The following CTTNBP2 variants were observed in gnomAD, a reference collection of about 807,000 sequenced individuals.
CTTNBP2 encodes cortactin-binding protein 2.
A neutral mutation model predicts 156.9 loss-of-function variants in CTTNBP2; 108 were observed. The observed-to-expected ratio is 0.69, with a 90% CI of 0.59 to 0.81. The LOEUF is 0.81. Ranked by LOEUF, CTTNBP2 falls within the 30% of genes least tolerant of loss-of-function variation. The pLI is 0.00. For synonymous variants in CTTNBP2, 767 were observed against 751.8 expected, an observed-to-expected ratio of 1.02 and a Z score of -0.33; for missense variants, 1,924 against 2,035.4, an observed-to-expected ratio of 0.95 and a Z score of 1.05.
intron 17 of CTTNBP2, among the ~76,000 whole-genome samples, chr7:117,725,635 A>T (rs1176515798): frequency 6.6e-6 from 1 of 152,214 alleles, no homozygotes; most frequent in African/African-American, 2.4e-5. Context: ...TCTTTGTTAC[A>T]TCTCCTTAAT....
chr7:117,780,551 G>C lies in CTTNBP2; in HGVS notation c.2413C>G (p.His805Asp). Reference protein sequence around the residue: ...LLISYDANINHAADGGQTPLY... With the variant: ...LLISYDANINDAADGGQTPLY... ...GGTGTCTGTCCTCCATCAGCAGCAT[G>C]ATTAATGTTAGCATCATATGAAATT... Residue 805 changes from histidine (H) to aspartate (D), a missense_variant, in exon 7 of 23, where the codon CAT becomes GAT. By Grantham distance (81) the His-to-Asp change is moderately conservative. Transcript: ENST00000160373. 6.3e-7 allele frequency: 1 copy of C among 1,592,734 alleles called. No homozygotes were observed. The highest frequency in any genetic ancestry group is 1.1e-5 in the South Asian group (1 of 88,126).
At chr7:117,832,406 G>T (rs1346860190) in intron 2 of CTTNBP2, among the ~76,000 whole-genome samples, 2 of 152,068 alleles carry the variant, frequency 1.3e-5, no homozygotes, top group Non-Finnish European at 2.9e-5. Flanking sequence ...GCCCTAAAAC[G>T]TAGGTCTAAG....
intron 2 of CTTNBP2, among the ~76,000 whole-genome samples, chr7:117,818,901 C>T (rs142284299): frequency 1.2e-4 from 18 of 152,190 alleles, no homozygotes; most frequent in African/African-American, 3.9e-4. Context: ...ACAGATACAA[C>T]GAGCTGCATT....
At chr7:117,824,656 G>C (rs544006182) in intron 2 of CTTNBP2, among the ~76,000 whole-genome samples, 1 of 152,222 alleles carries the variant, frequency 6.6e-6, no homozygotes, top group African/African-American at 2.4e-5. Flanking sequence ...TGCATGGCTA[G>C]AAATTTGGAG....
chr7:117,819,375 A>T (rs140615080), intron 2 of CTTNBP2, among the ~76,000 whole-genome samples: 71,510 of 131,532 alleles, frequency 0.54, 18,249 homozygotes, highest in East Asian at 0.66. Flanking sequence ...TCTCACACAC[A>T]CACACACACA....
intron 14 of CTTNBP2, among the ~76,000 whole-genome samples, chr7:117,742,284 T>C (rs1442815497): frequency 2.0e-5 from 3 of 152,234 alleles, no homozygotes; most frequent in East Asian, 3.8e-4. Context: ...ACATGTTTAC[T>C]CCTTAATTCT....
At chr7:117,867,472 TC>T (rs1410636034) in intron 1 of CTTNBP2, among the ~76,000 whole-genome samples, 1 of 152,138 alleles carries the variant, frequency 6.6e-6, no homozygotes, top group Non-Finnish European at 1.5e-5. Context: ...ATTTTCTCAC[TC>T]CTACTAGATG....
At position 117,734,987 on chromosome 7, in the gene CTTNBP2, C is replaced by T. The variant is rs751065536; in HGVS notation, c.3802G>A (p.Val1268Met). The T allele has an allele frequency of 4.3e-6, 7 of 1,614,146 alleles. No individual in the cohort carries two copies. Among genetic ancestry groups the T allele is most frequent in the Admixed American group, 1.7e-5 (1 of 60,024 alleles). ...DLLVQQHFRW[V>M]QLRWDGEPMQ... Reference sequence around the variant, plus strand: ...GGCTCGCCATCCCACCGCAGCTGCACCCAGCGGAAATGCTGCTGCACCAGC... The same window carrying T: ...GGCTCGCCATCCCACCGCAGCTGCATCCAGCGGAAATGCTGCTGCACCAGC... Residue 1268 changes from valine to methionine, a missense_variant, in exon 16 of 23, where the codon GTG becomes ATG. Transcript: ENST00000160373.
At chr7:117,815,490 A>G (rs1374190366) in intron 2 of CTTNBP2, among the ~76,000 whole-genome samples, 1 of 152,212 alleles carries the variant, frequency 6.6e-6, no homozygotes, top group Non-Finnish European at 1.5e-5. Context: ...CCCCCAGTGG[A>G]TGAGTTTTCC....
intron 3 of CTTNBP2, among the ~76,000 whole-genome samples, chr7:117,800,811 T>C (rs532935194): frequency 3.3e-5 from 5 of 152,252 alleles, no homozygotes; most frequent in Non-Finnish European, 7.4e-5. Flanking sequence ...TGTGTACATA[T>C]GAATATGATA....
chr7:117,823,506 G>A (rs1023018335), intron 2 of CTTNBP2, among the ~76,000 whole-genome samples: 2 of 151,990 alleles, frequency 1.3e-5, no homozygotes, highest in African/African-American at 2.4e-5. Flanking sequence ...AATTTTCTTT[G>A]TATTTATTTT....
At chr7:117,858,972 A>C (rs1803518397) in intron 2 of CTTNBP2, among the ~76,000 whole-genome samples, 1 of 152,132 alleles carries the variant, frequency 6.6e-6, no homozygotes, top group African/African-American at 2.4e-5. Flanking sequence ...ATTCATGTCA[A>C]TGCCATGAAT....
At chr7:117,838,438 G>C (rs1312831832) in intron 2 of CTTNBP2, among the ~76,000 whole-genome samples, 4 of 152,120 alleles carry the variant, frequency 2.6e-5, no homozygotes, top group East Asian at 1.9e-4. Context: ...ACCTTGTTTG[G>C]GGGGATAACT....
intron 9 of CTTNBP2, among the ~76,000 whole-genome samples, chr7:117,762,693 C>T (rs1584960315): frequency 6.6e-6 from 1 of 152,322 alleles, no homozygotes; most frequent in East Asian, 1.9e-4. Flanking sequence ...TGCATCAGAT[C>T]CCATCTCTCC....
intron 20 of CTTNBP2, 122 bp downstream of exon 20, chr7:117,720,945 T>A: frequency 1.3e-6 from 1 of 741,368 alleles, no homozygotes; most frequent in Admixed American, 2.3e-5. Context: ...CATATATAAC[T>A]TTTTTAAAAC....
chr7:117,873,290 C>A (rs1334484807), intron 1 of CTTNBP2, 45 bp downstream of exon 1: 2 of 1,320,962 alleles, frequency 1.5e-6, no homozygotes, highest in East Asian at 6.3e-5. Flanking sequence ...CCGCCCCCGG[C>A]CCGCGTCTAC....
chr7:117,777,744 C>A lies in CTTNBP2; in HGVS notation c.2545G>T (p.Ala849Ser). 1 of 1,609,206 alleles carries A rather than the reference C, an allele frequency of 6.2e-7. No individual in the cohort carries two copies. The highest frequency in any genetic ancestry group is 1.1e-5 in the South Asian group (1 of 90,862). ...TCCACATTACCAGTGTCCACAGCTG[C>A]GTGAACTGGTGTCCAGCCATCCTGA... is the stretch of plus-strand genomic sequence containing the variant. ...KTTDGWTPVH[A>S]AVDTGNVDSL... Residue 849 changes from alanine to serine, a missense_variant, in exon 8 of 23, where the codon GCA becomes TCA. Ala to Ser is a moderately conservative substitution (Grantham distance 99, BLOSUM62 1). Coordinates refer to ENST00000160373, the MANE Select transcript of CTTNBP2 (RefSeq NM_033427.3).
chr7:117,777,559 G>A lies in CTTNBP2; in HGVS notation c.2730C>T (p.Asn910=). ...VVPADLINHA[N]REGWTAAHIA... is the part of the protein sequence containing the mutation. ...TGTGGGCAGCAGTCCAGCCTTCTCT[G>A]TTGGCGTGGTTAATGAGGTCTGCAG... The change falls in exon 8 of 23, where the codon AAC becomes AAT. Residue 910 remains asparagine (N), a synonymous_variant. Transcript: ENST00000160373. The A allele has an allele frequency of 6.2e-7, 1 of 1,613,908 alleles. No individual in the cohort carries two copies. The highest frequency in any genetic ancestry group is 8.5e-7 in the Non-Finnish European group (1 of 1,179,926).
At chr7:117,830,754 G>A (rs1429444830) in intron 2 of CTTNBP2, among the ~76,000 whole-genome samples, 1 of 152,080 alleles carries the variant, frequency 6.6e-6, no homozygotes, top group Non-Finnish European at 1.5e-5. Context: ...CCCTTCCCTG[G>A]CTACTTGGCA....
Sources: gnomAD v4.1 joint callset for allele counts (sites outside exome capture counted in the v4.1 genomes callset) on GRCh38, gnomAD v4.1.1 for gene constraint, MANE v1.5 for transcripts, NCBI Gene and HGNC (gene_info 2026-07-23, HGNC 2026-07-21) for gene names.